LSAMP: variants seen among roughly 807,000 people sequenced by gnomAD.
The protein encoded by LSAMP is limbic system-associated membrane protein.
Under a neutral mutation model 38.6 loss-of-function variants are expected in LSAMP, and 7 were observed. The ratio of observed to expected loss-of-function variants is 0.18; its 90% CI spans 0.10 to 0.34. LSAMP has a LOEUF of 0.34. Among genes scored for constraint, LSAMP ranks in the 10% least tolerant of loss-of-function variants. The pLI is 1.00. For missense variants in LSAMP, 313 were observed against 420.0 expected (o/e 0.75, Z 2.23); for synonymous variants, 154 against 166.8 (o/e 0.92, Z 0.59).
intron 1 of LSAMP, among the ~76,000 whole-genome samples, chr3:116,395,626 C>T (rs186399395): frequency 7.6e-4 from 116 of 152,202 alleles, no homozygotes; most frequent in Non-Finnish European, 1.2e-3. Context: ...GGACTGCACC[C>T]AGTATTATCT....
intron 6 of LSAMP, among the ~76,000 whole-genome samples, chr3:115,827,677 G>T (rs1410316526): frequency 5.3e-5 from 8 of 152,164 alleles, no homozygotes; most frequent in Non-Finnish European, 1.2e-4. Flanking sequence ...TAGGAAGCAT[G>T]ATAAATGACT....
chr3:116,166,739 C>A (rs1186090603), intron 1 of LSAMP, among the ~76,000 whole-genome samples: 2 of 151,620 alleles, frequency 1.3e-5, no homozygotes, highest in Non-Finnish European at 2.9e-5. Flanking sequence ...CATCATCAAA[C>A]CTATCCAGCT....
Position 116,283,526 on chromosome 3 carries a change from T to C in LSAMP, c.155+161351A>G, listed in dbSNP as rs150847482. Among the ~76,000 whole-genome samples the C allele has an allele frequency of 5.4e-3, 824 of 152,320 alleles. 5 individuals are homozygous for C. Among genetic ancestry groups the C allele is most frequent in the African/African-American group, 0.019 (781 of 41,580 alleles). ...TAAAGTTACCTTAGGGCTGACTTTT[T>C]CTTATCTAACCTCATCTGGCTACGT... On this transcript the variant is annotated intron_variant, in intron 1 of 6. Coordinates refer to ENST00000490035, the MANE Select transcript of LSAMP (RefSeq NM_002338.5).
chr3:115,879,150 T>C (rs1271637619), intron 3 of LSAMP, among the ~76,000 whole-genome samples: 1 of 152,170 alleles, frequency 6.6e-6, no homozygotes, highest in Admixed American at 6.5e-5. Flanking sequence ...ACAAATTTTA[T>C]GATCCAAGAA....
At chr3:116,105,371 G>A (rs557778173) in intron 1 of LSAMP, among the ~76,000 whole-genome samples, 31 of 152,140 alleles carry the variant, frequency 2.0e-4, no homozygotes, top group Non-Finnish European at 3.5e-4. Flanking sequence ...ATGCGCGTCC[G>A]TGTGAAAAGA....
intron 1 of LSAMP, among the ~76,000 whole-genome samples, chr3:116,295,976 A>AAAAC (rs1374187820): frequency 1.3e-5 from 2 of 152,208 alleles, no homozygotes; most frequent in African/African-American, 4.8e-5. Flanking sequence ...AGGTTATAAT[A>AAAAC]AAACACTCAT....
chr3:116,254,663 A>C (rs1022039468), intron 1 of LSAMP, among the ~76,000 whole-genome samples: 1 of 152,190 alleles, frequency 6.6e-6, no homozygotes, highest in Non-Finnish European at 1.5e-5. Flanking sequence ...AACTGGAAAA[A>C]GCCAACTTTC....
At chr3:116,294,732 G>T (rs1178334097) in intron 1 of LSAMP, among the ~76,000 whole-genome samples, 2 of 152,126 alleles carry the variant, frequency 1.3e-5, no homozygotes. Flanking sequence ...GATAATATTT[G>T]ATGTGGGATA....
intron 1 of LSAMP, among the ~76,000 whole-genome samples, chr3:116,415,193 G>C (rs1037520698): frequency 6.8e-6 from 1 of 148,100 alleles, no homozygotes; most frequent in African/African-American, 2.5e-5. Flanking sequence ...CCCTATCTTA[G>C]TCCAAATTTG....
intron 1 of LSAMP, among the ~76,000 whole-genome samples, chr3:116,280,330 C>G (rs961397370): frequency 6.6e-6 from 1 of 152,248 alleles, no homozygotes; most frequent in South Asian, 2.1e-4. Flanking sequence ...TCACATGACC[C>G]CTGAGCAGAC....
chr3:116,145,999 A>G (rs1409403763), intron 1 of LSAMP, among the ~76,000 whole-genome samples: 1 of 151,922 alleles, frequency 6.6e-6, no homozygotes, highest in African/African-American at 2.4e-5. Flanking sequence ...TTTTAAAATT[A>G]TGAATTATTT....
intron 3 of LSAMP, among the ~76,000 whole-genome samples, chr3:115,954,810 A>C (rs562287077): frequency 2.0e-5 from 3 of 152,298 alleles, no homozygotes; most frequent in African/African-American, 7.2e-5. Flanking sequence ...TTCTCAGTGC[A>C]CCTGATCCTG....
chr3:116,198,577 G>A (rs946081824), intron 1 of LSAMP, among the ~76,000 whole-genome samples: 2 of 151,446 alleles, frequency 1.3e-5, no homozygotes, highest in South Asian at 2.1e-4. Context: ...AGACCATCCC[G>A]GCTAACACAG....
intron 1 of LSAMP, among the ~76,000 whole-genome samples, chr3:116,157,737 A>G (rs1017287296): frequency 6.6e-6 from 1 of 152,046 alleles, no homozygotes; most frequent in Admixed American, 6.6e-5. Context: ...GAAAAAGCCT[A>G]TGGATCCGAT....
chr3:116,026,850 G>C (rs1340777847), intron 2 of LSAMP, among the ~76,000 whole-genome samples: 1 of 152,080 alleles, frequency 6.6e-6, no homozygotes, highest in African/African-American at 2.4e-5. Context: ...TCAGCATCTG[G>C]AACACAAGCA....
intron 3 of LSAMP, among the ~76,000 whole-genome samples, chr3:116,004,533 T>TATAG (rs71879836): frequency 5.4e-5 from 8 of 148,714 alleles, no homozygotes; most frequent in East Asian, 2.0e-4. Flanking sequence ...TATATATATA[T>TATAG]ATACACACAC....
intron 1 of LSAMP, among the ~76,000 whole-genome samples, chr3:116,211,749 C>T (rs998404880): frequency 1.3e-5 from 2 of 152,174 alleles, no homozygotes; most frequent in Non-Finnish European, 2.9e-5. Context: ...ACTAGTCAGT[C>T]TGGCAAAAAC....
At chr3:115,826,550 T>A (rs1045219760) in intron 6 of LSAMP, among the ~76,000 whole-genome samples, 2 of 152,214 alleles carry the variant, frequency 1.3e-5, no homozygotes, top group African/African-American at 2.4e-5. Flanking sequence ...CTTAGTTCAT[T>A]AAGTACTTCT....
intron 2 of LSAMP, among the ~76,000 whole-genome samples, chr3:116,031,260 C>G (rs141859102): frequency 6.6e-6 from 1 of 152,022 alleles, no homozygotes; most frequent in Non-Finnish European, 1.5e-5. Context: ...GCCTACAACA[C>G]ATAAAGACAT....
Sources: allele counts gnomAD v4.1 joint callset (sites outside exome capture counted in the v4.1 genomes callset), GRCh38; gene constraint gnomAD v4.1.1; transcripts MANE v1.5; gene names NCBI Gene and HGNC (gene_info 2026-07-23, HGNC 2026-07-21).